Variants in OSM observed in about 807,000 individuals in gnomAD.
The protein encoded by OSM is oncostatin M, also known as oncostatin-M.
Under a neutral mutation model 6.3 loss-of-function variants are expected in OSM, and 1 was observed. The observed-to-expected ratio is 0.16, with a 90% confidence interval of 0.06 to 0.76. The LOEUF (loss-of-function observed/expected upper bound fraction) is 0.76, where lower values mean the gene tolerates loss of function less well. Ranked by LOEUF, OSM falls within the 30% of genes least tolerant of loss-of-function variation. The pLI is 0.77. For synonymous variants in OSM, 135 were observed against 143.4 expected (o/e 0.94, Z 0.42); for missense variants, 324 against 336.9 (o/e 0.96, Z 0.30).
rs780046329 is a variant in OSM at position 30,264,101 on chromosome 22, C to T, written c.541G>A (p.Ala181Thr). The T allele has an allele frequency of 1.9e-6, 3 of 1,608,880 alleles. No individual in the cohort carries two copies. The highest frequency in any genetic ancestry group is 2.5e-6 in the Non-Finnish European group (3 of 1,176,490). Residue 181 changes from alanine to threonine, a missense_variant, in exon 3 of 3, where the codon GCC becomes ACC. Transcript: ENST00000215781. ...GASQPPTPTP[A>T]SDAFQRKLEG... ...AGCTTGCGCTGAAAAGCATCCGAGGCAGGGGTGGGGGTGGGCGGCTGAGAG... is the reference window on the plus strand; with the variant it reads ...AGCTTGCGCTGAAAAGCATCCGAGGTAGGGGTGGGGGTGGGCGGCTGAGAG...
In OSM at chr22:30,265,149, G is replaced by T. The variant is rs1426731768; in HGVS notation, c.35-5C>A. Reference sequence around the variant, plus strand: ...ACAGGAGTGCAAGGACCAGACCTAAGGCAGAGAAGAGGGGTGTCACCTGAC... The same window carrying T: ...ACAGGAGTGCAAGGACCAGACCTAATGCAGAGAAGAGGGGTGTCACCTGAC... On this transcript the variant is annotated splice_polypyrimidine_tract_variant and splice_region_variant and intron_variant, in intron 1 of 2. Coordinates refer to ENST00000215781, the MANE Select transcript of OSM (RefSeq NM_020530.6). 2 of 1,609,142 alleles carry T rather than the reference G, an allele frequency of 1.2e-6. No homozygotes were observed. The highest frequency in any genetic ancestry group is 3.3e-5 in the Admixed American group (2 of 59,872).
chr22:30,266,819 G>T lies in OSM; in HGVS notation c.-20C>A. ...CCCCATGCTGGGTGCCCGTGCTCCG[G>T]CCCGCGCCCGCTGGGGGTGACACCT... On this transcript the variant is annotated 5_prime_UTR_variant, in exon 1 of 3. Coordinates refer to ENST00000215781, the MANE Select transcript of OSM (RefSeq NM_020530.6). The surrounding 1 kb of genome is among the most constrained non-coding windows in gnomAD (Gnocchi z 5.0). 6.2e-7 allele frequency: 1 copy of T among 1,609,290 alleles called. No individual in the cohort carries two copies. Among genetic ancestry groups the T allele is most frequent in the African/African-American group, 1.3e-5 (1 of 74,746 alleles).
At position 30,264,272 on chromosome 22, in the gene OSM, C is replaced by G; in HGVS notation, c.370G>C (p.Glu124Gln). Reference sequence around the variant, plus strand: ...TCCTCGATGTTCAGCCCAGACCTCTCCAAATCCTGGGCCTTGGGGAGGCGC... The same window carrying G: ...TCCTCGATGTTCAGCCCAGACCTCTGCAAATCCTGGGCCTTGGGGAGGCGC... ...EQRLPKAQDLERSGLNIEDLE... is the reference protein window; with the variant it reads ...EQRLPKAQDLQRSGLNIEDLE... Residue 124 changes from glutamate (E) to glutamine (Q), a missense_variant, in exon 3 of 3, where the codon GAG (glutamate) becomes CAG (glutamine). Coordinates refer to ENST00000215781, the MANE Select transcript of OSM (RefSeq NM_020530.6). The G allele has an allele frequency of 6.2e-7, 1 of 1,614,194 alleles. No homozygotes were observed. The highest frequency in any genetic ancestry group is 8.5e-7 in the Non-Finnish European group (1 of 1,180,046).
At position 30,264,025 on chromosome 22, in the gene OSM, C is replaced by G. The variant is rs766600905; in HGVS notation, c.617G>C (p.Gly206Ala). 2 of 1,569,138 alleles carry G rather than the reference C, an allele frequency of 1.3e-6. No homozygotes were observed. The highest frequency in any genetic ancestry group is 2.4e-5 in the South Asian group (2 of 83,938). Reference protein sequence around the residue: ...HGYHRFMHSVGRVFSKWGESP... With the variant: ...HGYHRFMHSVARVFSKWGESP... ...CTCCCCCCACTTGCTGAAGACCCGC[C>G]CCACTGAGTGCATGAAGCGATGGTA... Residue 206 changes from glycine (G) to alanine (A), a missense_variant, in exon 3 of 3, where the codon GGG becomes GCG. By Grantham distance (60) the Gly-to-Ala change is moderately conservative. Coordinates refer to ENST00000215781, the MANE Select transcript of OSM (RefSeq NM_020530.6).
Position 30,266,084 on chromosome 22 carries a change from C to T in OSM, c.34+682G>A, listed in dbSNP as rs554603418. ...ACCCAGGCTTAGCGACCCCACGGCA[C>T]CCTCGCCGCCTCCCCAGGTATCTGC... On this transcript the variant is annotated intron_variant, in intron 1 of 2. Coordinates refer to ENST00000215781, the MANE Select transcript of OSM (RefSeq NM_020530.6). This position sits in a 1 kb window ranked among gnomAD's most constrained non-coding sequence, Gnocchi z 5.0. Among the ~76,000 whole-genome samples the T allele has an allele frequency of 6.6e-6, 1 of 152,380 alleles. No homozygotes were observed. The highest frequency in any genetic ancestry group is 2.4e-5 in the African/African-American group (1 of 41,594).
Position 30,264,171 on chromosome 22 carries a change from C to T in OSM, c.471G>A (p.Leu157=), listed in dbSNP as rs1929324538. 2 of 1,613,888 alleles carry T rather than the reference C, an allele frequency of 1.2e-6. No homozygotes were observed. The highest frequency in any genetic ancestry group is 1.7e-6 in the Non-Finnish European group (2 of 1,180,040). ...RNNIYCMAQL[L]DNSDTAEPTK... is the part of the protein sequence containing the mutation. Reference sequence around the variant, plus strand: ...TGGGCTCAGCCGTGTCTGAGTTGTCCAGCAGCTGGGCCATGCAGTAGATGT... The same window carrying T: ...TGGGCTCAGCCGTGTCTGAGTTGTCTAGCAGCTGGGCCATGCAGTAGATGT... The change falls in exon 3 of 3, where the codon CTG becomes CTA. Residue 157 remains leucine, a synonymous_variant. Transcript: ENST00000215781.
chr22:30,263,669 T>G lies in OSM; in HGVS notation c.*214A>C. Reference sequence around the variant, plus strand: ...GCCACCCCACTGGGCCTGGGGAACTTGGGGCTGAGGTGGGAGCGCAACAGC... The same window carrying G: ...GCCACCCCACTGGGCCTGGGGAACTGGGGGCTGAGGTGGGAGCGCAACAGC... On this transcript the variant is annotated 3_prime_UTR_variant, in exon 3 of 3. Coordinates refer to ENST00000215781, the MANE Select transcript of OSM (RefSeq NM_020530.6). 1 of 416,052 alleles carries G rather than the reference T, an allele frequency of 2.4e-6. No homozygotes were observed. Among genetic ancestry groups the G allele is most frequent in the South Asian group, 9.5e-5 (1 of 10,524 alleles). 25.8% of individuals were successfully genotyped at this position (416,052 alleles called of 1,614,324 possible).
intron 2 of OSM, 112 bp from the exon 3 acceptor site, chr22:30,264,576 G>C: frequency 1.1e-6 from 1 of 903,656 alleles, no homozygotes. Context: ...TCTCCCACTG[G>C]ACAGATCCGG....
At position 30,265,094 on chromosome 22, in the gene OSM, C is replaced by T. The variant is rs149108534; in HGVS notation, c.85G>A (p.Gly29Ser). The change falls in exon 2 of 3, where the codon GGC becomes AGC. Residue 29 changes from glycine (G) to serine (S), a missense_variant. Physicochemically the swap from Gly to Ser is moderately conservative, Grantham distance 56. Transcript: ENST00000215781. ...ACGCGGTACTCTTTCGAGCAGCTGC[C>T]TATAGCCGCCATGCTCGCCATGCTT... ...FPSMASMAAIGSCSKEYRVLL... is the reference protein window; with the variant it reads ...FPSMASMAAISSCSKEYRVLL... 30 of 1,614,062 alleles carry T rather than the reference C, an allele frequency of 1.9e-5. No individual in the cohort carries two copies. The African/African-American group carries it at 3.5e-4, about 19-fold the overall frequency.
At position 30,263,790 on chromosome 22, in the gene OSM, G is replaced by T; in HGVS notation, c.*93C>A. The T allele has an allele frequency of 9.4e-7, 1 of 1,068,492 alleles. No individual in the cohort carries two copies. Among genetic ancestry groups the T allele is most frequent in the Non-Finnish European group, 1.3e-6 (1 of 757,530 alleles). The allele number at this position is 1,068,492 out of a possible 1,614,324, so 66.2% of individuals were successfully genotyped here. On this transcript the variant is annotated 3_prime_UTR_variant, in exon 3 of 3. Coordinates refer to ENST00000215781, the MANE Select transcript of OSM (RefSeq NM_020530.6). ...CAGTGGCTAGTAGCAGAGGGGAACA[G>T]GTTTGGGGACCCGGGAGCTGTCATC...
At chr22:30,265,205 G>T in intron 1 of OSM, 61 bp from the exon 2 acceptor site, 1 of 1,571,686 alleles carries the variant, frequency 6.4e-7, no homozygotes, top group Non-Finnish European at 8.7e-7. Flanking sequence ...TGGGAGCCTC[G>T]GGGAGGGGGT....
chr22:30,264,938 C>T, intron 2 of OSM, 64 bp downstream of exon 2: 1 of 1,581,324 alleles, frequency 6.3e-7, no homozygotes, highest in South Asian at 1.1e-5. Flanking sequence ...CTCCCTGCTT[C>T]TCACTCCCTT....
intron 2 of OSM, 89 bp from the exon 3 acceptor site, chr22:30,264,553 C>A: frequency 1.9e-6 from 2 of 1,070,026 alleles, no homozygotes; most frequent in Non-Finnish European, 2.7e-6. Context: ...AGACCTCATG[C>A]ACCCCAATCC....
Position 30,263,499 on chromosome 22 carries a change from G to A in OSM, c.*384C>T, listed in dbSNP as rs1243732995. ...CAGAAACACGGAAAGGAGGAAGTCTGGGGGCAACGGCCCTGCAAGTCATGA... is the reference window on the plus strand; with the variant it reads ...CAGAAACACGGAAAGGAGGAAGTCTAGGGGCAACGGCCCTGCAAGTCATGA... On this transcript the variant is annotated 3_prime_UTR_variant, in exon 3 of 3. Transcript: ENST00000215781. The A allele has an allele frequency of 4.6e-6, 1 of 219,454 alleles. No homozygotes were observed. Among genetic ancestry groups the A allele is most frequent in the African/African-American group, 2.3e-5 (1 of 44,062 alleles). The allele number at this position is 219,454 out of a possible 1,614,324, so 13.6% of individuals were successfully genotyped here. A position where few individuals can be genotyped will look rare whatever the true frequency, so the allele number is the denominator to read the frequency against.
chr22:30,265,857 G>C (rs1390963115), intron 1 of OSM: 1 of 152,406 alleles, frequency 6.6e-6, no homozygotes, highest in African/African-American at 2.4e-5. Context: ...GCCCACCAGG[G>C]ATGCTGTGAG....
Position 30,264,363 on chromosome 22 carries a change from C to T in OSM, c.279G>A (p.Arg93=). 6.2e-7 allele frequency: 1 copy of T among 1,613,958 alleles called. No homozygotes were observed. Among genetic ancestry groups the T allele is most frequent in the Non-Finnish European group, 8.5e-7 (1 of 1,180,022 alleles). ...SEETLRGLGR[R]GFLQTLNATL... ...TGGCATTGAGGGTCTGCAGGAAGCCCCGCCTGCCCAGCCCCCTCAGGGTCT... is the reference window on the plus strand; with the variant it reads ...TGGCATTGAGGGTCTGCAGGAAGCCTCGCCTGCCCAGCCCCCTCAGGGTCT... The change falls in exon 3 of 3, where the codon CGG becomes CGA. Residue 93 remains arginine (R), a synonymous_variant. Transcript: ENST00000215781.
In OSM at chr22:30,264,234, C is replaced by A. The variant is rs1929327754; in HGVS notation, c.408G>T (p.Leu136=). The change falls in exon 3 of 3, where the codon CTG becomes CTT. Residue 136 remains leucine, a synonymous_variant. Transcript: ENST00000215781. ...CGAGGATGTTCGGCCTCGCCATCTG[C>A]AGCTTCTCCAAGTCCTCGATGTTCA... ...SGLNIEDLEK[L]QMARPNILGL... 1 of 1,614,142 alleles carries A rather than the reference C, an allele frequency of 6.2e-7. No individual in the cohort carries two copies. The highest frequency in any genetic ancestry group is 8.5e-7 in the Non-Finnish European group (1 of 1,180,030).
intron 2 of OSM, among the ~76,000 whole-genome samples, chr22:30,264,766 C>T (rs558243704): frequency 6.6e-6 from 1 of 152,308 alleles, no homozygotes; most frequent in East Asian, 1.9e-4. Flanking sequence ...AGGAAACACA[C>T]TGAGTAAGCA....
At chr22:30,265,427 G>C (rs1309555500) in intron 1 of OSM, 1 of 1,236,798 alleles carries the variant, frequency 8.1e-7, no homozygotes, top group Non-Finnish European at 1.0e-6. Flanking sequence ...TTGAGCAAAG[G>C]CTGCAGTGCC....
Sources: allele counts gnomAD v4.1 joint callset (sites outside exome capture counted in the v4.1 genomes callset), GRCh38; gene constraint gnomAD v4.1.1; non-coding constraint Gnocchi (gnomAD v3.1); transcripts MANE v1.5; gene names NCBI Gene and HGNC (gene_info 2026-07-23, HGNC 2026-07-21).